SYNPR: variants seen among roughly 807,000 people sequenced by gnomAD.
The protein encoded by SYNPR is synaptoporin.
SYNPR carries 23 observed loss-of-function variants against 32.9 expected under a neutral mutation model. That is an observed-to-expected ratio of 0.70 (90% confidence interval 0.50 to 0.99). The LOEUF (loss-of-function observed/expected upper bound fraction) is 0.99. Among genes scored for constraint, SYNPR ranks in the 50% least tolerant of loss-of-function variants. The pLI, the probability that SYNPR is intolerant of heterozygous loss-of-function variation, is 0.00. For synonymous variants in SYNPR, 146 were observed against 135.9 expected, an observed-to-expected ratio of 1.07 and a Z score of -0.52; for missense variants, 318 against 349.3, an observed-to-expected ratio of 0.91 and a Z score of 0.71.
chr3:63,291,084 G>C (rs567528619), intron 2 of SYNPR, among the ~76,000 whole-genome samples: 33 of 152,304 alleles, frequency 2.2e-4, no homozygotes, highest in African/African-American at 7.9e-4. Flanking sequence ...TGGATGAATA[G>C]AGATTATTAT....
intron 2 of SYNPR, among the ~76,000 whole-genome samples, chr3:63,279,664 C>G (rs1048062620): frequency 6.6e-6 from 1 of 152,194 alleles, no homozygotes; most frequent in Non-Finnish European, 1.5e-5. Context: ...CAAAGCCTGT[C>G]ATGTAGCATT....
At chr3:63,534,478 C>T (rs1702166861) in intron 3 of SYNPR, among the ~76,000 whole-genome samples, 1 of 152,172 alleles carries the variant, frequency 6.6e-6, no homozygotes, top group Admixed American at 6.6e-5. Context: ...TATTGTACCT[C>T]TCTTACTAAT....
intron 4 of SYNPR, among the ~76,000 whole-genome samples, chr3:63,567,419 T>C (rs1702810406): frequency 1.3e-5 from 2 of 152,154 alleles, no homozygotes; most frequent in South Asian, 4.2e-4. Context: ...CCTCCTATCA[T>C]TTTTTGAAAG....
intron 2 of SYNPR, chr3:63,427,556 C>T (rs1213658353): frequency 6.6e-6 from 1 of 152,334 alleles, no homozygotes; most frequent in Non-Finnish European, 1.5e-5. Flanking sequence ...ACAGGGCCCT[C>T]ACGCCCCAGC....
intron 3 of SYNPR, among the ~76,000 whole-genome samples, chr3:63,481,412 T>A (rs7631507): frequency 0.17 from 26,354 of 150,966 alleles, 2,456 homozygotes; most frequent in African/African-American, 0.22. Context: ...ATGGAACACA[T>A]CCTTAATATT....
At chr3:63,547,244 A>T (rs540196129) in intron 3 of SYNPR, among the ~76,000 whole-genome samples, 14 of 152,036 alleles carry the variant, frequency 9.2e-5, no homozygotes, top group Admixed American at 7.9e-4. Context: ...TTTCAGATCT[A>T]CTCTCTCTAT....
At chr3:63,466,334 T>G (rs1700678052) in intron 2 of SYNPR, among the ~76,000 whole-genome samples, 1 of 152,112 alleles carries the variant, frequency 6.6e-6, no homozygotes, top group Non-Finnish European at 1.5e-5. Flanking sequence ...CCTAGAGAAC[T>G]TCTCAGGGCC....
At chr3:63,556,013 C>T (rs1193401832) in intron 3 of SYNPR, among the ~76,000 whole-genome samples, 1 of 152,178 alleles carries the variant, frequency 6.6e-6, no homozygotes, top group Non-Finnish European at 1.5e-5. Flanking sequence ...GCCAAGGAGG[C>T]AGCCATGGGA....
intron 1 of SYNPR, among the ~76,000 whole-genome samples, chr3:63,245,906 A>G (rs2086284177): frequency 6.6e-6 from 1 of 151,976 alleles, no homozygotes. Flanking sequence ...TTAAAGCACG[A>G]CCTCTGAGTA....
chr3:63,405,400 A>C (rs753298124), intron 2 of SYNPR, among the ~76,000 whole-genome samples: 2 of 152,154 alleles, frequency 1.3e-5, no homozygotes, highest in Non-Finnish European at 2.9e-5. Context: ...AGGTAAGGCA[A>C]GAGTGAACAG....
the SYNPR span, among the ~76,000 whole-genome samples, chr3:63,207,573 A>T: frequency 6.6e-6 from 1 of 152,212 alleles, no homozygotes; most frequent in African/African-American, 2.4e-5. Context: ...CATCTTCTGT[A>T]TCCTTCTAAA....
intron 3 of SYNPR, among the ~76,000 whole-genome samples, chr3:63,506,812 C>G (rs1310251233): frequency 1.3e-5 from 2 of 152,108 alleles, no homozygotes; most frequent in Admixed American, 6.5e-5. Context: ...AAGTTAAAAA[C>G]CTCCATGCTG....
At chr3:63,346,016 T>C (rs956102646) in intron 2 of SYNPR, among the ~76,000 whole-genome samples, 2 of 152,142 alleles carry the variant, frequency 1.3e-5, no homozygotes, top group African/African-American at 4.8e-5. Context: ...GGTTTCACCA[T>C]GTTGGCCTGG....
At chr3:63,451,500 C>G (rs1224558830) in intron 2 of SYNPR, among the ~76,000 whole-genome samples, 2 of 152,142 alleles carry the variant, frequency 1.3e-5, no homozygotes, top group Admixed American at 1.3e-4. Context: ...ATGATTAGCT[C>G]ATCTTAGTAG....
At chr3:63,408,277 G>GGAAGGA (rs1479705688) in intron 2 of SYNPR, among the ~76,000 whole-genome samples, 4 of 45,646 alleles carry the variant, frequency 8.8e-5, no homozygotes, top group Non-Finnish European at 1.2e-4. Flanking sequence ...AAGAAAGAAA[G>GGAAGGA]AGGAAGGAAG....
chr3:63,309,016 A>G (rs1424515812), intron 2 of SYNPR, among the ~76,000 whole-genome samples: 1 of 151,894 alleles, frequency 6.6e-6, no homozygotes, highest in African/African-American at 2.4e-5. Context: ...CAGATCACTG[A>G]TGCGCTGTTC....
intron 4 of SYNPR, among the ~76,000 whole-genome samples, chr3:63,576,739 T>C (rs6445363): frequency 0.55 from 81,248 of 148,616 alleles, 22,788 homozygotes; most frequent in African/African-American, 0.69. Flanking sequence ...TGCAGTGAGC[T>C]GAGATTGCAC....
chr3:63,332,972 T>G (rs2087246407), intron 2 of SYNPR, among the ~76,000 whole-genome samples: 2 of 151,892 alleles, frequency 1.3e-5, no homozygotes, highest in Non-Finnish European at 2.9e-5. Flanking sequence ...CTGCCCCATC[T>G]CCGCCACCAG....
intron 3 of SYNPR, among the ~76,000 whole-genome samples, chr3:63,548,948 T>A (rs1702457390): frequency 6.6e-6 from 1 of 152,208 alleles, no homozygotes; most frequent in Admixed American, 6.5e-5. Flanking sequence ...AAAGGTCTTA[T>A]TATCAGATGA....
Sources: gnomAD v4.1 joint callset for allele counts (sites outside exome capture counted in the v4.1 genomes callset) on GRCh38, gnomAD v4.1.1 for gene constraint, MANE v1.5 for transcripts, NCBI Gene and HGNC (gene_info 2026-07-23, HGNC 2026-07-21) for gene names.